The following AP1G2 variants were observed in gnomAD, a reference collection of about 807,000 sequenced individuals.
The protein encoded by AP1G2 is adaptor related protein complex 1 subunit gamma 2.
AP1G2 carries 85 observed loss-of-function variants against 95.8 expected under a neutral mutation model. That is an observed-to-expected ratio of 0.89 (90% CI 0.74 to 1.06). The LOEUF (loss-of-function observed/expected upper bound fraction) is 1.06. Among genes scored for constraint, AP1G2 ranks in the 50% least tolerant of loss-of-function variants. AP1G2 has a pLI of 0.00. For missense variants in AP1G2, 967 were observed against 1,005.8 expected (o/e 0.96, Z 0.52); for synonymous variants, 378 against 400.0 (o/e 0.94, Z 0.66).
At chr14:23,561,213 G>A (rs1050540670) in intron 19 of AP1G2, 83 bp downstream of exon 19, 2 of 1,485,636 alleles carry the variant, frequency 1.3e-6, no homozygotes, top group Non-Finnish European at 1.8e-6. Context: ...CAGGGTCCAT[G>A]AGCCTCAGCC....
At chr14:23,566,780 T>C (rs1888240545) in intron 2 of AP1G2, 94 bp from the exon 3 acceptor site, 1 of 1,518,822 alleles carries the variant, frequency 6.6e-7, no homozygotes, top group Admixed American at 1.8e-5. Context: ...CAGATTAACC[T>C]GTGGGGCATC....
At position 23,559,838 on chromosome 14, in the gene AP1G2, G is replaced by T. The variant is rs764435650; in HGVS notation, c.2269C>A (p.Leu757Ile). 19 of 1,614,010 alleles carry T rather than the reference G, an allele frequency of 1.2e-5. No homozygotes were observed. The South Asian group carries it at 1.3e-4, about 11-fold the overall frequency. Reference sequence around the variant, plus strand: ...TGGTCGTAGGTGAGGCGCAGCTTTAGCCGCAGGGGGGCCTAGGAATAGGAG... The same window carrying T: ...TGGTCGTAGGTGAGGCGCAGCTTTATCCGCAGGGGGGCCTAGGAATAGGAG... The part of the protein sequence containing the change: ...ILNPNKAPLR[L>I]KLRLTYDHFH... Residue 757 changes from leucine to isoleucine, a missense_variant, in exon 22 of 22, where the codon CTA becomes ATA. Transcript: ENST00000397120.
rs932888075 is a variant in AP1G2, at chr14:23,559,787, A to G, written c.2320T>C (p.Phe774Leu). 6.2e-6 allele frequency: 10 copies of G among 1,614,022 alleles called. No homozygotes were observed. Among genetic ancestry groups the G allele is most frequent in the South Asian group, 1.1e-5 (1 of 91,080 alleles). Residue 774 changes from phenylalanine to leucine, a missense_variant, in exon 22 of 22, where the codon TTT (phenylalanine) becomes CTT (leucine). Phe to Leu is a conservative substitution (Grantham distance 22). Transcript: ENST00000397120. ...DHFHQSVQEI[F>L]EVNNLPVESW... ...TCCACAGGCAAGTTGTTCACCTCAA[A>G]GATCTCCTGCACCGACTGGTGAAAG...
Position 23,563,874 on chromosome 14 carries a change from T to C in AP1G2, c.1092-18A>G. On this transcript the variant is annotated intron_variant, in intron 11 of 21. Transcript: ENST00000397120. ...GGGCTCTCCTGGCAGGAGAAAGAGGTTTCCATGCAGGTAGCCCAGGTCATC... is the reference window on the plus strand; with the variant it reads ...GGGCTCTCCTGGCAGGAGAAAGAGGCTTCCATGCAGGTAGCCCAGGTCATC... The C allele has an allele frequency of 6.2e-7, 1 of 1,610,812 alleles. No homozygotes were observed. The highest frequency in any genetic ancestry group is 8.5e-7 in the Non-Finnish European group (1 of 1,178,216).
intron 8 of AP1G2, 175 bp downstream of exon 8, chr14:23,564,944 G>A (rs1887039045): frequency 5.8e-6 from 4 of 688,230 alleles, no homozygotes; most frequent in South Asian, 5.6e-5. Flanking sequence ...GCCAGCCTGG[G>A]CACTGGGGCA....
chr14:23,559,922 A>G lies in AP1G2; in HGVS notation c.2256+16T>C, dbSNP rs1595235445. The stretch of plus-strand genomic sequence containing the variant: ...CTATCCCTGGGTCTTGTCTTGGGGG[A>G]ACTCCTGAAGCTCACCTTGTTAGGA... On this transcript the variant is annotated intron_variant, in intron 21 of 21. Transcript: ENST00000397120. 6.2e-7 allele frequency: 1 copy of G among 1,611,808 alleles called. No homozygotes were observed. Among genetic ancestry groups the G allele is most frequent in the East Asian group, 2.2e-5 (1 of 44,872 alleles).
chr14:23,562,332 G>A lies in AP1G2; in HGVS notation c.1584C>T (p.Leu528=). The A allele has an allele frequency of 1.2e-6, 2 of 1,614,234 alleles. No individual in the cohort carries two copies. The highest frequency in any genetic ancestry group is 1.7e-6 in the Non-Finnish European group (2 of 1,180,028). The part of the protein sequence containing the change: ...MSLPATRGYA[L]TALMKLSTRL... ...GAGTGCTGAGCTTCATGAGGGCTGTGAGGGCATATCCTCGAGTGGCTGGCA... is the reference window on the plus strand; with the variant it reads ...GAGTGCTGAGCTTCATGAGGGCTGTAAGGGCATATCCTCGAGTGGCTGGCA... The change falls in exon 16 of 22, where the codon CTC becomes CTT. Residue 528 remains leucine, a synonymous_variant. Coordinates refer to ENST00000397120, the MANE Select transcript of AP1G2 (RefSeq NM_003917.5).
At chr14:23,562,756 A>AG (rs1352091354) in intron 14 of AP1G2, 163 bp from the exon 15 acceptor site, 195 of 671,482 alleles carry the variant, frequency 2.9e-4, no homozygotes, top group African/African-American at 2.8e-3. Context: ...TAAAAAAAAA[A>AG]AGAGAGAGAG....
intron 11 of AP1G2, 83 bp from the exon 12 acceptor site, chr14:23,563,939 G>A: frequency 1.3e-6 from 2 of 1,597,950 alleles, no homozygotes; most frequent in Non-Finnish European, 1.7e-6. Context: ...CCAGGGACCT[G>A]TCCCCCTTAG....
At chr14:23,564,430 C>T (rs767967504) in intron 9 of AP1G2, 42 bp from the exon 10 acceptor site, 6 of 1,612,066 alleles carry the variant, frequency 3.7e-6, no homozygotes, top group Non-Finnish European at 5.1e-6. Flanking sequence ...AAGGAGCAAC[C>T]TGCTCAGCCA....
At position 23,567,112 on chromosome 14, in the gene AP1G2, T is replaced by C. The variant is rs1440201788; in HGVS notation, c.203A>G (p.Gln68Arg). The change falls in exon 2 of 22, where the codon CAG (glutamine) becomes CGG (arginine). Residue 68 changes from glutamine (Q) to arginine (R), a missense_variant and splice_region_variant. Gln to Arg is a conservative substitution (Grantham distance 43). Coordinates refer to ENST00000397120, the MANE Select transcript of AP1G2 (RefSeq NM_003917.5). The surrounding 1 kb of genome is among the most constrained non-coding windows in gnomAD (Gnocchi z 5.3). ...GAGGGAGGTATTCCTGGCCAGTACC[T>C]GTCCAAAGTGGGCGGGGTAGCCCAA... ...HMLGYPAHFGQMECLKLIASS... is the reference protein window; with the variant it reads ...HMLGYPAHFGRMECLKLIASS... 4 of 1,609,036 alleles carry C rather than the reference T, an allele frequency of 2.5e-6. No individual in the cohort carries two copies. In the South Asian group the frequency reaches 3.3e-5, roughly 13 times the overall value.
chr14:23,562,745 T>C, intron 14 of AP1G2, 152 bp from the exon 15 acceptor site: 1 of 715,802 alleles, frequency 1.4e-6, no homozygotes, highest in Admixed American at 3.0e-5. Flanking sequence ...CATCTCTATT[T>C]TAAAAAAAAA....
intron 10 of AP1G2, 39 bp from the exon 11 acceptor site, chr14:23,564,198 T>C: frequency 1.9e-6 from 3 of 1,612,154 alleles, no homozygotes; most frequent in Non-Finnish European, 2.5e-6. Flanking sequence ...ACCATGGCCA[T>C]CAGCCCCCAC....
intron 14 of AP1G2, 172 bp downstream of exon 14, chr14:23,563,207 AG>A: frequency 6.9e-7 from 1 of 1,442,490 alleles, no homozygotes; most frequent in Non-Finnish European, 9.1e-7. Context: ...TACCAGAGTC[AG>A]GACAAAAGCC....
rs763535948 is a variant in AP1G2, at chr14:23,564,609, C to CA, written c.873dup (p.Glu292Ter). 12 of 1,613,716 alleles carry CA rather than the reference C, an allele frequency of 7.4e-6. No homozygotes were observed. Among genetic ancestry groups the CA allele is most frequent in the Non-Finnish European group, 1.0e-5 (12 of 1,180,024 alleles). Reference sequence around the variant, plus strand: ...ATATCCATGATGGTGAGTACTGTCTCAAACAGGACCGCATTTCCGGCATTT... The same window carrying CA: ...ATATCCATGATGGTGAGTACTGTCTCAAAACAGGACCGCATTTCCGGCATTT... On this transcript the variant is annotated frameshift_variant, in exon 9 of 22. Coordinates refer to ENST00000397120, the MANE Select transcript of AP1G2 (RefSeq NM_003917.5). LOFTEE classifies it high-confidence loss of function.
At chr14:23,561,028 G>A (rs145717426) in intron 19 of AP1G2, 23 of 1,111,142 alleles carry the variant, frequency 2.1e-5, no homozygotes, top group Middle Eastern at 3.5e-4. Context: ...GTGAGGAGCT[G>A]AGAAGGGGGC....
In AP1G2 at chr14:23,564,524, G is replaced by A. The variant is rs139503851; in HGVS notation, c.921+38C>T. 4.4e-6 allele frequency: 7 copies of A among 1,606,106 alleles called. No homozygotes were observed. The African/African-American group carries it at 5.4e-5, about 12-fold the overall frequency. ...GCAGGACCTGTGTGGGTGAGGTGGT[G>A]GGCGGGGCCGTAGTGGGAGAGGCAT... On this transcript the variant is annotated intron_variant, in intron 9 of 21. Coordinates refer to ENST00000397120, the MANE Select transcript of AP1G2 (RefSeq NM_003917.5).
At chr14:23,565,090 C>T (rs748207746) in intron 8 of AP1G2, 29 bp downstream of exon 8, 1 of 1,612,330 alleles carries the variant, frequency 6.2e-7, no homozygotes. Context: ...CCAAGCAACA[C>T]AGCTAACCAG....
chr14:23,562,108 C>G (rs1406778099), intron 16 of AP1G2, 42 bp from the exon 17 acceptor site: 1 of 1,606,624 alleles, frequency 6.2e-7, no homozygotes. Context: ...CAGTGTGCCA[C>G]TGCAGGATGT....
Sources: gnomAD v4.1 joint callset for allele counts on GRCh38, gnomAD v4.1.1 for gene constraint, Gnocchi (gnomAD v3.1) non-coding constraint, MANE v1.5 for transcripts, NCBI Gene and HGNC (gene_info 2026-07-23, HGNC 2026-07-21) for gene names.